Variants in CASP6 observed in about 807,000 individuals in gnomAD.
CASP6 encodes caspase 6.
In CASP6, 20 loss-of-function variants were observed where a neutral mutation model predicts 31.8. The observed-to-expected ratio is 0.63, with a 90% CI of 0.44 to 0.91. CASP6 has a LOEUF of 0.91. CASP6 is among the 40% of genes least tolerant of loss of function. CASP6 has a pLI of 0.00. For synonymous variants in CASP6, 130 were observed against 127.8 expected, an observed-to-expected ratio of 1.02 and a Z score of -0.12; for missense variants, 328 against 361.1, an observed-to-expected ratio of 0.91 and a Z score of 0.74.
Position 109,688,979 on chromosome 4 carries a change from A to G in CASP6, c.*351T>C, listed in dbSNP as rs1729934492. ...ATATTTATATAAAAGGAAGAGAAAG[A>G]CATTTTCTTTTTTTTGAGACGGAGT... is the stretch of plus-strand genomic sequence containing the variant. On this transcript the variant is annotated 3_prime_UTR_variant, in exon 7 of 7. Coordinates refer to ENST00000265164, the MANE Select transcript of CASP6 (RefSeq NM_001226.4). 5.4e-6 allele frequency: 1 copy of G among 183,724 alleles called. No individual in the cohort carries two copies. Among genetic ancestry groups the G allele is most frequent in the Non-Finnish European group, 1.2e-5 (1 of 85,482 alleles). The allele number at this position is 183,724 out of a possible 1,614,324, so 11.4% of individuals were successfully genotyped here.
chr4:109,698,150 G>C (rs1351798537), intron 2 of CASP6, 150 bp downstream of exon 2: 2 of 742,650 alleles, frequency 2.7e-6, no homozygotes, highest in Non-Finnish European at 4.4e-6. Flanking sequence ...AGCACAACCT[G>C]CCTATCTACA....
At chr4:109,703,787 A>G (rs1730515242), upstream of CASP6, among the ~76,000 whole-genome samples, 1 of 152,096 alleles carries the variant, frequency 6.6e-6, no homozygotes, top group African/African-American at 2.4e-5. Context: ...GCTGCCCCAA[A>G]CATTTGCTAT....
chr4:109,695,803 G>A (rs182993876), intron 4 of CASP6, among the ~76,000 whole-genome samples: 27 of 151,796 alleles, frequency 1.8e-4, no homozygotes, highest in African/African-American at 5.3e-4. Flanking sequence ...AGCCAGGTGC[G>A]GTGCCATGAG....
At chr4:109,703,747 C>T (rs190586268), upstream of CASP6, among the ~76,000 whole-genome samples, 75 of 152,336 alleles carry the variant, frequency 4.9e-4, no homozygotes, top group African/African-American at 1.7e-3. Context: ...TTTCACATCA[C>T]TTGTGTGAGC....
intron 4 of CASP6, among the ~76,000 whole-genome samples, chr4:109,694,931 C>G (rs1730191032): frequency 6.6e-6 from 1 of 152,154 alleles, no homozygotes; most frequent in African/African-American, 2.4e-5. Context: ...CTCCCGGGTT[C>G]AAGCGATTCT....
chr4:109,701,490 G>A (rs1163035460), intron 1 of CASP6, among the ~76,000 whole-genome samples: 5 of 151,452 alleles, frequency 3.3e-5, no homozygotes, highest in South Asian at 2.1e-4. Context: ...GTGCAGTGGC[G>A]CAATCTTGGC....
At chr4:109,706,133 A>ATAAT (rs1310489550), upstream of CASP6, among the ~76,000 whole-genome samples, 63 of 18,598 alleles carry the variant, frequency 3.4e-3, 2 homozygotes, top group African/African-American at 0.015. Context: ...TATCCATTTT[A>ATAAT]TATATATATA....
At chr4:109,707,040 T>A (rs1369348089), upstream of CASP6, among the ~76,000 whole-genome samples, 3 of 152,234 alleles carry the variant, frequency 2.0e-5, no homozygotes, top group Non-Finnish European at 1.5e-5. Context: ...CATTTATAAC[T>A]CGCTGAAGGC....
At chr4:109,665,985 AGGG>A in the CASP6 span, among the ~76,000 whole-genome samples, 5 of 152,026 alleles carry the variant, frequency 3.3e-5, no homozygotes, top group African/African-American at 1.2e-4. Context: ...GGAAAGAAGA[AGGG>A]GGAAAGGAAG....
chr4:109,675,544 T>G, the CASP6 span, among the ~76,000 whole-genome samples: 1 of 152,246 alleles, frequency 6.6e-6, no homozygotes, highest in Non-Finnish European at 1.5e-5. Context: ...GAAAATTTAC[T>G]GTTTATTCCA....
At position 109,694,589 on chromosome 4, in the gene CASP6, G is replaced by C. The variant is rs756007696; in HGVS notation, c.419C>G (p.Thr140Ser). ...ACACTTGTCTCCTTTGAACAAGCCAGTTAATGTCTGAATTTCGATTTTAGC... is the reference window on the plus strand; with the variant it reads ...ACACTTGTCTCCTTTGAACAAGCCACTTAATGTCTGAATTTCGATTTTAGC... The part of the protein sequence containing the change: ...YDAKIEIQTL[T>S]GLFKGDKCHS... Residue 140 changes from threonine to serine, a missense_variant, in exon 5 of 7, where the codon ACT becomes AGT. Coordinates refer to ENST00000265164, the MANE Select transcript of CASP6 (RefSeq NM_001226.4). 1.2e-6 allele frequency: 2 copies of C among 1,612,030 alleles called. No individual in the cohort carries two copies. The highest frequency in any genetic ancestry group is 1.7e-6 in the Non-Finnish European group (2 of 1,178,982).
chr4:109,689,807 A>G (rs780159574), intron 6 of CASP6, among the ~76,000 whole-genome samples: 2 of 152,324 alleles, frequency 1.3e-5, no homozygotes, highest in African/African-American at 4.8e-5. Context: ...TTCCTAAAAA[A>G]TTCCCAAGAT....
Position 109,697,628 on chromosome 4 carries a change from G to A in CASP6, c.224C>T (p.Thr75Ile). The A allele has an allele frequency of 6.2e-7, 1 of 1,604,424 alleles. No homozygotes were observed. Among genetic ancestry groups the A allele is most frequent in the Non-Finnish European group, 8.5e-7 (1 of 1,176,914 alleles). The part of the protein sequence containing the change: ...RGTCADRDNL[T>I]RRFSDLGFEV... ...AGGTAGATAAAACTACTACCTGCGG[G>A]TAAGATTGTCTCTATCTGCGCAGGT... The change falls in exon 3 of 7, where the codon ACC becomes ATC. Residue 75 changes from threonine (T) to isoleucine (I), a missense_variant. Transcript: ENST00000265164.
intron 1 of CASP6, among the ~76,000 whole-genome samples, chr4:109,700,866 A>C (rs570623554): frequency 2.6e-5 from 4 of 152,352 alleles, no homozygotes; most frequent in Admixed American, 1.3e-4. Flanking sequence ...AGAGAAAATA[A>C]CACATCATGA....
downstream of CASP6, among the ~76,000 whole-genome samples, chr4:109,683,973 A>G (rs1231364503): frequency 6.6e-6 from 1 of 152,000 alleles, no homozygotes; most frequent in Non-Finnish European, 1.5e-5. Flanking sequence ...ATGAGCATTT[A>G]CTCATTCATG....
At chr4:109,664,392 G>T in the CASP6 span, 2 of 1,261,630 alleles carry the variant, frequency 1.6e-6, no homozygotes, top group Non-Finnish European at 2.3e-6. Flanking sequence ...TGTCCAAAGA[G>T]AGGTAAGAAA....
the CASP6 span, chr4:109,682,952 C>A: frequency 2.2e-6 from 1 of 459,804 alleles, no homozygotes; most frequent in East Asian, 3.9e-5. Context: ...CATGGTAGAG[C>A]CTGGACTTGA....
At chr4:109,670,573 G>C in the CASP6 span, among the ~76,000 whole-genome samples, 1 of 151,920 alleles carries the variant, frequency 6.6e-6, no homozygotes, top group African/African-American at 2.4e-5. Flanking sequence ...AAAATTAGCT[G>C]GGCATGGGGG....
intron 4 of CASP6, among the ~76,000 whole-genome samples, chr4:109,696,195 A>G (rs1207340218): frequency 6.6e-6 from 1 of 152,214 alleles, no homozygotes; most frequent in African/African-American, 2.4e-5. Context: ...AACTAGTGGT[A>G]TGCTAAATAT....
Sources: allele counts gnomAD v4.1 joint callset (sites outside exome capture counted in the v4.1 genomes callset), GRCh38; gene constraint gnomAD v4.1.1; transcripts MANE v1.5; gene names NCBI Gene and HGNC (gene_info 2026-07-23, HGNC 2026-07-21).